Variants in CCDC112 observed in about 807,000 individuals in gnomAD.
The protein encoded by CCDC112 is coiled-coil domain containing 112.
In CCDC112, 40 loss-of-function variants were observed where a neutral mutation model predicts 66.3. That is an observed-to-expected ratio of 0.60 (90% CI 0.47 to 0.79). The LOEUF (loss-of-function observed/expected upper bound fraction) is 0.79, where lower values mean the gene tolerates loss of function less well. CCDC112 is among the 30% of genes least tolerant of loss of function. The pLI is 0.00. For synonymous variants in CCDC112, 214 were observed against 197.2 expected, an observed-to-expected ratio of 1.09 and a Z score of -0.71; for missense variants, 659 against 603.8, an observed-to-expected ratio of 1.09 and a Z score of -0.96.
At chr5:115,292,678 C>G (rs1749986009) in intron 1 of CCDC112, among the ~76,000 whole-genome samples, 1 of 152,192 alleles carries the variant, frequency 6.6e-6, no homozygotes, top group Admixed American at 6.5e-5. Context: ...TAAACTAATT[C>G]TGTAAAATCT....
At chr5:115,276,173 T>C in intron 4 of CCDC112, 104 bp from the exon 5 acceptor site, 2 of 810,830 alleles carry the variant, frequency 2.5e-6, no homozygotes, top group Non-Finnish European at 3.9e-6. Context: ...TTAAAATATT[T>C]CTTAGCCTAA....
At chr5:115,285,827 T>C (rs1435513480) in intron 1 of CCDC112, among the ~76,000 whole-genome samples, 2 of 152,004 alleles carry the variant, frequency 1.3e-5, no homozygotes, top group African/African-American at 2.4e-5. Flanking sequence ...AGGTACTTAG[T>C]ACAGCTATAG....
At chr5:115,293,767 T>C (rs1287347335) in intron 1 of CCDC112, among the ~76,000 whole-genome samples, 1 of 152,180 alleles carries the variant, frequency 6.6e-6, no homozygotes, top group Non-Finnish European at 1.5e-5. Context: ...GATTACACAG[T>C]CACAGGTGAA....
At chr5:115,296,224 C>T (rs1350767500) in intron 1 of CCDC112, 1 of 1,280,706 alleles carries the variant, frequency 7.8e-7, no homozygotes, top group Non-Finnish European at 9.9e-7. Flanking sequence ...AGGTCTTCCT[C>T]GACTCCGAAA....
At chr5:115,272,998 C>A (rs1749070690) in intron 6 of CCDC112, among the ~76,000 whole-genome samples, 3 of 152,258 alleles carry the variant, frequency 2.0e-5, no homozygotes, top group South Asian at 2.1e-4. Context: ...AATTCTGGTG[C>A]AACTATTTTA....
chr5:115,268,045 T>C, intron 9 of CCDC112, 127 bp from the exon 10 acceptor site: 1 of 698,768 alleles, frequency 1.4e-6, no homozygotes, highest in Non-Finnish European at 2.5e-6. Flanking sequence ...GGCTGGTTCA[T>C]ATGGGCATGT....
In CCDC112 at chr5:115,275,901, A is replaced by G. The variant is rs891890094; in HGVS notation, c.527+93T>C. On this transcript the variant is annotated intron_variant, in intron 5 of 9. Coordinates refer to ENST00000379611, the MANE Select transcript of CCDC112 (RefSeq NM_001040440.3). ...CTTTTGTATAAGACTCAAATACATA[A>G]TAACAGAATGCATTATATACAAAAA... 16 of 856,912 alleles carry G rather than the reference A, an allele frequency of 1.9e-5. 1 individual carries two copies. Among genetic ancestry groups the G allele is most frequent in the East Asian group, 2.7e-5 (1 of 36,968 alleles). 53.1% of individuals were successfully genotyped at this position (856,912 alleles called of 1,614,324 possible). A position where few individuals can be genotyped will look rare whatever the true frequency, so the allele number is the denominator to read the frequency against.
intron 1 of CCDC112, among the ~76,000 whole-genome samples, chr5:115,293,405 T>C (rs982113951): frequency 3.9e-5 from 6 of 152,288 alleles, no homozygotes; most frequent in Admixed American, 1.3e-4. Context: ...TATACATATA[T>C]CAGAACATCA....
chr5:115,292,693 T>G (rs1749986658), intron 1 of CCDC112, among the ~76,000 whole-genome samples: 1 of 152,230 alleles, frequency 6.6e-6, no homozygotes, highest in Admixed American at 6.5e-5. Context: ...AAATCTGTAG[T>G]CTTGGTCAGG....
Position 115,271,188 on chromosome 5 carries a change from T to C in CCDC112, c.1332+25A>G, listed in dbSNP as rs1561493177. On this transcript the variant is annotated intron_variant, in intron 7 of 9. Coordinates refer to ENST00000379611, the MANE Select transcript of CCDC112 (RefSeq NM_001040440.3). The stretch of plus-strand genomic sequence containing the variant: ...TACCTCCATGTGTAGCATTTAAAAA[T>C]TATTTAGGAAATAGATTTACTCACT... The C allele has an allele frequency of 3.9e-6, 6 of 1,551,906 alleles. No homozygotes were observed. In the Middle Eastern group the frequency reaches 5.2e-4, roughly 135 times the overall value.
At chr5:115,285,786 G>C (rs1230484534) in intron 1 of CCDC112, among the ~76,000 whole-genome samples, 3 of 152,092 alleles carry the variant, frequency 2.0e-5, no homozygotes, top group Admixed American at 6.6e-5. Flanking sequence ...TGGGGGTGGA[G>C]TGAGGCAAGA....
intron 4 of CCDC112, 45 bp from the exon 5 acceptor site, chr5:115,276,114 T>G: frequency 7.5e-7 from 1 of 1,328,452 alleles, no homozygotes; most frequent in Admixed American, 2.0e-5. Flanking sequence ...TTTTCCCATA[T>G]GGCTAAAAGT....
chr5:115,267,872 T>C lies in CCDC112; in HGVS notation c.*4A>G, dbSNP rs748579806. 21 of 1,609,332 alleles carry C rather than the reference T, an allele frequency of 1.3e-5. No homozygotes were observed. The African/African-American group carries it at 2.0e-4, about 15-fold the overall frequency. The stretch of plus-strand genomic sequence containing the variant: ...CTTATCAACTGAGTAGCAATTTGAT[T>C]ATCTCATACTCTTCTCTGTATTCCT... On this transcript the variant is annotated 3_prime_UTR_variant, in exon 10 of 10. Coordinates refer to ENST00000379611, the MANE Select transcript of CCDC112 (RefSeq NM_001040440.3).
chr5:115,296,441 G>C lies in CCDC112; in HGVS notation c.103C>G (p.Pro35Ala). The change falls in exon 1 of 10, where the codon CCA becomes GCA. Residue 35 changes from proline (P) to alanine (A), a missense_variant. Coordinates refer to ENST00000379611, the MANE Select transcript of CCDC112 (RefSeq NM_001040440.3). ...CCCGGATTTACCTGTTGAGGCGCTG[G>C]CGTCGCTCCCACGCCGGTCCCGGTG... Reference protein sequence around the residue: ...AATGTGVGATPAPQQSDGCFS... With the variant: ...AATGTGVGATAAPQQSDGCFS... 6.4e-7 allele frequency: 1 copy of C among 1,566,924 alleles called. No individual in the cohort carries two copies. Among genetic ancestry groups the C allele is most frequent in the Non-Finnish European group, 8.6e-7 (1 of 1,164,588 alleles).
intron 6 of CCDC112, among the ~76,000 whole-genome samples, chr5:115,272,348 A>C (rs2127052360): frequency 6.6e-6 from 1 of 152,290 alleles, no homozygotes; most frequent in East Asian, 1.9e-4. Flanking sequence ...ATATCAGAAG[A>C]AGAATTAAGA....
Position 115,268,906 on chromosome 5 carries a change from C to A in CCDC112, c.1523G>T (p.Gly508Val). ...RTKKIGPTGS[G>V]PLLHIPHRAI... is the part of the protein sequence containing the mutation. ...CCTATGTGGGATATGTAGAAGTGGC[C>A]CAGAGCCTGTTGGTCCTATCTTTTT... The change falls in exon 9 of 10, where the codon GGG (glycine) becomes GTG (valine). Residue 508 changes from glycine (G) to valine (V), a missense_variant. Physicochemically the swap from Gly to Val is moderately radical, Grantham distance 109 (BLOSUM62 -3). Coordinates refer to ENST00000379611, the MANE Select transcript of CCDC112 (RefSeq NM_001040440.3). 1 of 1,602,654 alleles carries A rather than the reference C, an allele frequency of 6.2e-7. No homozygotes were observed. The highest frequency in any genetic ancestry group is 8.5e-7 in the Non-Finnish European group (1 of 1,174,664).
At chr5:115,282,304 A>G (rs1227238037) in intron 2 of CCDC112, among the ~76,000 whole-genome samples, 1 of 152,206 alleles carries the variant, frequency 6.6e-6, no homozygotes, top group African/African-American at 2.4e-5. Context: ...TATGAATTTT[A>G]TCTCACCCTG....
In CCDC112 at chr5:115,275,283, T is replaced by C; in HGVS notation, c.851A>G (p.Gln284Arg). Reference sequence around the variant, plus strand: ...TTTTTCATGCTGTTGAACTTCATCTTGTGTTTTTCCAGGAAGGTGTTCTAG... The same window carrying C: ...TTTTTCATGCTGTTGAACTTCATCTCGTGTTTTTCCAGGAAGGTGTTCTAG... Reference protein sequence around the residue: ...EVLEHLPGKTQDEVQQHEKWY... With the variant: ...EVLEHLPGKTRDEVQQHEKWY... The change falls in exon 6 of 10, where the codon CAA becomes CGA. Residue 284 changes from glutamine to arginine, a missense_variant. Physicochemically the swap from Gln to Arg is conservative, Grantham distance 43. Transcript: ENST00000379611. 6.2e-7 allele frequency: 1 copy of C among 1,614,022 alleles called. No individual in the cohort carries two copies. The highest frequency in any genetic ancestry group is 8.5e-7 in the Non-Finnish European group (1 of 1,179,948).
At chr5:115,269,897 A>G in intron 7 of CCDC112, 99 bp from the exon 8 acceptor site, 1 of 663,962 alleles carries the variant, frequency 1.5e-6, no homozygotes, top group Non-Finnish European at 2.5e-6. Flanking sequence ...TTACCTATCA[A>G]TATTCCTTCA....
Sources: gnomAD v4.1 joint callset for allele counts (sites outside exome capture counted in the v4.1 genomes callset) on GRCh38, gnomAD v4.1.1 for gene constraint, MANE v1.5 for transcripts, NCBI Gene and HGNC (gene_info 2026-07-23, HGNC 2026-07-21) for gene names.